Variants in TOGARAM1 observed in about 807,000 individuals in gnomAD.
TOGARAM1 encodes TOG array regulator of axonemal microtubules protein 1.
Under a neutral mutation model 166.6 loss-of-function variants are expected in TOGARAM1, and 100 were observed. The observed-to-expected ratio is 0.60, with a 90% CI of 0.51 to 0.71. The LOEUF (loss-of-function observed/expected upper bound fraction) is 0.71, where lower values mean the gene tolerates loss of function less well. Ranked by LOEUF, TOGARAM1 falls within the 30% of genes least tolerant of loss-of-function variation. The pLI is 0.00. For missense variants in TOGARAM1, 2,029 were observed against 2,102.7 expected (o/e 0.96, Z 0.69); for synonymous variants, 758 against 763.8 (o/e 0.99, Z 0.13).
intron 16 of TOGARAM1, 35 bp from the exon 17 acceptor site, chr14:45,066,543 C>G: frequency 6.6e-7 from 1 of 1,510,696 alleles, no homozygotes; most frequent in Non-Finnish European, 9.0e-7. Context: ...TAGGAAAGTA[C>G]AAATGAAATT....
intron 16 of TOGARAM1, among the ~76,000 whole-genome samples, chr14:45,063,069 C>T (rs1459131773): frequency 6.6e-6 from 1 of 152,020 alleles, no homozygotes; most frequent in African/African-American, 2.4e-5. Flanking sequence ...GATATGTGGT[C>T]TTTTGTGACT....
intron 16 of TOGARAM1, 95 bp downstream of exon 16, chr14:45,054,644 C>T: frequency 1.2e-6 from 1 of 824,704 alleles, no homozygotes; most frequent in Non-Finnish European, 1.9e-6. Context: ...GGGTATTTGC[C>T]AAAATTTAAT....
At chr14:45,027,209 C>A in intron 8 of TOGARAM1, 90 bp from the exon 9 acceptor site, 1 of 1,287,332 alleles carries the variant, frequency 7.8e-7, no homozygotes, top group Non-Finnish European at 1.1e-6. Flanking sequence ...TTGTTTGATT[C>A]TTGAAGGCAA....
intron 3 of TOGARAM1, among the ~76,000 whole-genome samples, chr14:44,999,855 G>A (rs1473175381): frequency 6.6e-6 from 1 of 152,050 alleles, no homozygotes. Flanking sequence ...TGAAACATTT[G>A]TCATTTCTTT....
chr14:45,015,503 G>A (rs1375012201), intron 7 of TOGARAM1, among the ~76,000 whole-genome samples: 4 of 151,194 alleles, frequency 2.6e-5, no homozygotes, highest in East Asian at 1.9e-4. Flanking sequence ...TTCATAAAGA[G>A]TGATGAGTTT....
At chr14:45,026,052 T>G (rs937123518) in intron 8 of TOGARAM1, among the ~76,000 whole-genome samples, 180 bp downstream of exon 8, 2 of 152,192 alleles carry the variant, frequency 1.3e-5, no homozygotes, top group African/African-American at 4.8e-5. Flanking sequence ...ATTTCTATCT[T>G]CTAATGAAAC....
At position 45,004,297 on chromosome 14, in the gene TOGARAM1, C is replaced by G. The variant is rs1887843766; in HGVS notation, c.2575C>G (p.Leu859Val). The stretch of plus-strand genomic sequence containing the variant: ...CTGGCCTCTTAAAAGCTTCGAAGGA[C>G]TATCAAAGCCAAGTCCACAGAAGAA... The part of the protein sequence containing the change: ...NSWPLKSFEG[L>V]SKPSPQKKLV... The change falls in exon 4 of 20, where the codon CTA becomes GTA. Residue 859 changes from leucine (L) to valine (V), a missense_variant. Physicochemically the swap from Leu to Val is conservative, Grantham distance 32. This residue lies in a region of TOGARAM1 where 1,453 missense variants were observed against 1,432.2 expected (regional missense o/e 1.01). Coordinates refer to ENST00000361462, the MANE Select transcript of TOGARAM1 (RefSeq NM_001308120.2). The G allele has an allele frequency of 1.2e-6, 2 of 1,614,002 alleles. No individual in the cohort carries two copies. Among genetic ancestry groups the G allele is most frequent in the Admixed American group, 1.7e-5 (1 of 59,998 alleles).
intron 3 of TOGARAM1, among the ~76,000 whole-genome samples, chr14:45,003,693 A>T (rs569729617): frequency 7.2e-6 from 1 of 139,714 alleles, no homozygotes; most frequent in South Asian, 2.4e-4. Context: ...AAAACTAAAA[A>T]CATTTTTAGT....
At chr14:45,016,694 G>A (rs1052287077) in intron 7 of TOGARAM1, among the ~76,000 whole-genome samples, 10 of 152,060 alleles carry the variant, frequency 6.6e-5, no homozygotes, top group Non-Finnish European at 1.2e-4. Flanking sequence ...ACCATACCTG[G>A]CCTCATTGTA....
intron 1 of TOGARAM1, among the ~76,000 whole-genome samples, chr14:44,985,861 T>A (rs1886765823): frequency 6.6e-6 from 1 of 152,244 alleles, no homozygotes; most frequent in Non-Finnish European, 1.5e-5. Context: ...TGCATTTTTA[T>A]CTTAATTAGA....
intron 1 of TOGARAM1, among the ~76,000 whole-genome samples, chr14:44,975,082 A>T (rs1208942350): frequency 6.6e-6 from 1 of 152,050 alleles, no homozygotes; most frequent in East Asian, 1.9e-4. Context: ...CTCTGTGTAT[A>T]TTTTTTATAT....
chr14:45,058,384 T>C (rs1594700787), intron 16 of TOGARAM1, among the ~76,000 whole-genome samples: 1 of 151,932 alleles, frequency 6.6e-6, no homozygotes, highest in Non-Finnish European at 1.5e-5. Context: ...AACCTCCCCG[T>C]CCCAGGTTCA....
At chr14:45,012,931 C>T (rs1001368665) in intron 7 of TOGARAM1, among the ~76,000 whole-genome samples, 1 of 152,186 alleles carries the variant, frequency 6.6e-6, no homozygotes, top group Admixed American at 6.5e-5. Flanking sequence ...TAAATTTTCT[C>T]CCTGCTTCAA....
intron 10 of TOGARAM1, among the ~76,000 whole-genome samples, chr14:45,030,981 C>G (rs1373596450): frequency 6.6e-6 from 1 of 152,160 alleles, no homozygotes; most frequent in Non-Finnish European, 1.5e-5. Context: ...AAGCATTTAT[C>G]CCAAGGTCTG....
intron 1 of TOGARAM1, among the ~76,000 whole-genome samples, chr14:44,988,026 G>A (rs540972597): frequency 2.9e-4 from 44 of 150,174 alleles, no homozygotes; most frequent in South Asian, 2.3e-3. Context: ...AACATCACAT[G>A]TTCTCACTCA....
At chr14:45,059,376 A>G (rs533386666) in intron 16 of TOGARAM1, among the ~76,000 whole-genome samples, 44 of 152,348 alleles carry the variant, frequency 2.9e-4, no homozygotes, top group African/African-American at 1.0e-3. Context: ...GGCTGGGTGC[A>G]GTGGTATGCA....
At chr14:45,050,310 T>C (rs190941956) in intron 14 of TOGARAM1, among the ~76,000 whole-genome samples, 16 of 152,260 alleles carry the variant, frequency 1.1e-4, no homozygotes, top group Non-Finnish European at 2.9e-5. Context: ...TGGAGTACAG[T>C]GGTATAATCT....
At chr14:45,044,940 A>T (rs1881914891) in intron 13 of TOGARAM1, 70 bp downstream of exon 13, 2 of 1,157,568 alleles carry the variant, frequency 1.7e-6, no homozygotes, top group Admixed American at 2.6e-5. Flanking sequence ...ACTGTAGAAA[A>T]GAAACAAGCA....
chr14:45,020,708 A>T (rs903662542), intron 7 of TOGARAM1, among the ~76,000 whole-genome samples: 3 of 152,228 alleles, frequency 2.0e-5, no homozygotes, highest in Non-Finnish European at 4.4e-5. Context: ...TCCTGAGGGT[A>T]GGCAGACTAT....
Sources: gnomAD v4.1 joint callset for allele counts (sites outside exome capture counted in the v4.1 genomes callset) on GRCh38, gnomAD v4.1.1 for gene constraint, gnomAD v4.1.1 regional missense constraint, MANE v1.5 for transcripts, NCBI Gene and HGNC (gene_info 2026-07-23, HGNC 2026-07-21) for gene names.